Variants in TSPAN5 observed in about 807,000 individuals in gnomAD.
TSPAN5 encodes tetraspanin-5.
In TSPAN5, 10 loss-of-function variants were observed where a neutral mutation model predicts 37.1. That is an observed-to-expected ratio of 0.27 (90% CI 0.17 to 0.46). The LOEUF is 0.46. Among genes scored for constraint, TSPAN5 ranks in the 20% least tolerant of loss-of-function variants. TSPAN5 has a pLI of 1.00. For synonymous variants in TSPAN5, 110 were observed against 118.9 expected (o/e 0.93, Z 0.48); for missense variants, 195 against 326.6 (o/e 0.60, Z 3.11).
At chr4:98,479,074 T>C (rs75791572) in intron 4 of TSPAN5, among the ~76,000 whole-genome samples, 1,843 of 152,318 alleles carry the variant, frequency 0.012, 12 homozygotes, top group South Asian at 0.023. Context: ...GCAGAGCAGC[T>C]GTACAGCAGG....
Position 98,478,814 on chromosome 4 carries a change from G to T in TSPAN5, c.451-4C>A, listed in dbSNP as rs770443361. 2 of 1,613,314 alleles carry T rather than the reference G, an allele frequency of 1.2e-6. No homozygotes were observed. The highest frequency in any genetic ancestry group is 2.2e-5 in the South Asian group (2 of 91,060). ...CAAAAGCCCCACAGCACTGCCACTA[G>T]AGCAAACAGGAAAGAATTAGAACAT... On this transcript the variant is annotated splice_polypyrimidine_tract_variant and splice_region_variant and intron_variant, in intron 4 of 7. Transcript: ENST00000305798.
chr4:98,658,299 C>T lies in TSPAN5; in HGVS notation c.-73G>A. 1 of 1,293,262 alleles carries T rather than the reference C, an allele frequency of 7.7e-7. No individual in the cohort carries two copies. The highest frequency in any genetic ancestry group is 1.1e-6 in the Non-Finnish European group (1 of 888,604). 80.1% of individuals were successfully genotyped at this position (1,293,262 alleles called of 1,614,324 possible). A position where few individuals can be genotyped will look rare whatever the true frequency, so the allele number is the denominator to read the frequency against. ...TCCGAAGCACCGTTGCTCGGAGCAG[C>T]CCGGCGGGGAGCAGGAGCTCAGGGA... On this transcript the variant is annotated 5_prime_UTR_variant, in exon 1 of 8. Transcript: ENST00000305798.
chr4:98,636,611 T>A (rs1756860819), intron 1 of TSPAN5, among the ~76,000 whole-genome samples: 2 of 152,076 alleles, frequency 1.3e-5, no homozygotes, highest in African/African-American at 4.8e-5. Context: ...ATTTTACATA[T>A]AAATATTATC....
rs139558448 is a variant in TSPAN5, at chr4:98,628,806, C to G, written c.81+29340G>C. 2.6e-4 allele frequency among the ~76,000 whole-genome samples: 40 copies of G among 152,298 alleles called. No individual in the cohort carries two copies. In the East Asian group the frequency reaches 7.7e-3, roughly 29 times the overall value. On this transcript the variant is annotated intron_variant, in intron 1 of 7. Coordinates refer to ENST00000305798, the MANE Select transcript of TSPAN5 (RefSeq NM_005723.4). ...TACTCAACTTGCTGATATATCAAAA[C>G]TGAGCTGTATCATACATTGTCCTAT... is the stretch of plus-strand genomic sequence containing the variant.
At chr4:98,550,607 GTTTTT>G (rs58062106) in intron 1 of TSPAN5, among the ~76,000 whole-genome samples, 4 of 139,114 alleles carry the variant, frequency 2.9e-5, no homozygotes, top group Non-Finnish European at 3.1e-5. Context: ...TCCCAGCTGG[GTTTTT>G]TTTTTTTTTT....
intron 1 of TSPAN5, among the ~76,000 whole-genome samples, chr4:98,604,902 G>A (rs1315444488): frequency 6.6e-6 from 1 of 152,152 alleles, no homozygotes; most frequent in Non-Finnish European, 1.5e-5. Context: ...GGGACACTCA[G>A]CTGAGATTCC....
intron 1 of TSPAN5, among the ~76,000 whole-genome samples, chr4:98,572,866 A>G (rs1755157185): frequency 6.6e-6 from 1 of 152,236 alleles, no homozygotes; most frequent in African/African-American, 2.4e-5. Context: ...AACAGTCCAG[A>G]TTGTCTAACT....
intron 2 of TSPAN5, chr4:98,496,638 C>T (rs1373459752): frequency 6.6e-6 from 1 of 152,180 alleles, no homozygotes; most frequent in Admixed American, 6.5e-5. Flanking sequence ...GCCAGCGGTA[C>T]CAAGTTCCAT....
intron 1 of TSPAN5, among the ~76,000 whole-genome samples, chr4:98,524,957 A>G (rs760892420): frequency 6.6e-6 from 1 of 152,134 alleles, no homozygotes; most frequent in Non-Finnish European, 1.5e-5. Flanking sequence ...GTATTTTATC[A>G]AGGTATTGTC....
At chr4:98,508,975 G>C (rs887182519) in intron 1 of TSPAN5, among the ~76,000 whole-genome samples, 6 of 152,088 alleles carry the variant, frequency 3.9e-5, no homozygotes, top group African/African-American at 1.4e-4. Context: ...GAAAACAATG[G>C]AGTGTTTTGT....
chr4:98,516,179 T>C (rs2110111806), intron 1 of TSPAN5, among the ~76,000 whole-genome samples: 1 of 152,340 alleles, frequency 6.6e-6, no homozygotes, highest in East Asian at 1.9e-4. Context: ...CAGGGGCTCC[T>C]GTACGCATAT....
chr4:98,536,188 T>C lies in TSPAN5; in HGVS notation c.82-28460A>G, dbSNP rs541341781. The stretch of plus-strand genomic sequence containing the variant: ...GGATTTATCCATCTTTGGTCTTTAA[T>C]GTTGGTGACCTTCAGATGGGGTCTT... On this transcript the variant is annotated intron_variant, in intron 1 of 7. Coordinates refer to ENST00000305798, the MANE Select transcript of TSPAN5 (RefSeq NM_005723.4). 2.6e-5 allele frequency among the ~76,000 whole-genome samples: 4 copies of C among 152,360 alleles called. No homozygotes were observed. The South Asian group carries it at 8.3e-4, about 32-fold the overall frequency.
intron 1 of TSPAN5, among the ~76,000 whole-genome samples, chr4:98,553,768 A>C (rs1754672313): frequency 6.6e-6 from 1 of 152,132 alleles, no homozygotes. Context: ...AAACCTCCCA[A>C]AGAAAATGTC....
At chr4:98,563,137 A>G (rs1287868287) in intron 1 of TSPAN5, among the ~76,000 whole-genome samples, 1 of 152,130 alleles carries the variant, frequency 6.6e-6, no homozygotes, top group Non-Finnish European at 1.5e-5. Flanking sequence ...GTAGATGAAT[A>G]TAATGTATCT....
chr4:98,566,979 G>A (rs1755019287), intron 1 of TSPAN5, among the ~76,000 whole-genome samples: 1 of 152,258 alleles, frequency 6.6e-6, no homozygotes, highest in Non-Finnish European at 1.5e-5. Context: ...AAGTGCAGGA[G>A]ACGCTGGCAT....
intron 3 of TSPAN5, chr4:98,483,804 A>G (rs1179456013): frequency 6.6e-6 from 1 of 152,442 alleles, no homozygotes; most frequent in Non-Finnish European, 1.5e-5. Context: ...CTTAATTATC[A>G]TCAGTGATGC....
At chr4:98,510,359 C>G (rs2110288970) in intron 1 of TSPAN5, among the ~76,000 whole-genome samples, 1 of 152,230 alleles carries the variant, frequency 6.6e-6, no homozygotes, top group East Asian at 1.9e-4. Flanking sequence ...ACATGATCAG[C>G]ATATCATATA....
intron 1 of TSPAN5, among the ~76,000 whole-genome samples, chr4:98,597,384 GTCC>G (rs1395646383): frequency 4.0e-5 from 2 of 49,956 alleles, no homozygotes; most frequent in African/African-American, 1.3e-4. Flanking sequence ...TGGTTTGAAT[GTCC>G]TCCCGTAGCT....
At chr4:98,529,247 A>G (rs1034273356) in intron 1 of TSPAN5, among the ~76,000 whole-genome samples, 1 of 152,212 alleles carries the variant, frequency 6.6e-6, no homozygotes, top group African/African-American at 2.4e-5. Flanking sequence ...ACCGCCTACT[A>G]CATATCTCCA....
Sources: allele counts gnomAD v4.1 joint callset (sites outside exome capture counted in the v4.1 genomes callset), GRCh38; gene constraint gnomAD v4.1.1; transcripts MANE v1.5; gene names NCBI Gene and HGNC (gene_info 2026-07-23, HGNC 2026-07-21).